The following SLC6A20 variants were observed in gnomAD, a reference collection of about 807,000 sequenced individuals.
The protein encoded by SLC6A20 is solute carrier family 6 member 20, also known as sodium- and chloride-dependent transporter XTRP3.
In SLC6A20, 73 loss-of-function variants were observed where a neutral mutation model predicts 64.3. That is an observed-to-expected ratio of 1.14 (90% confidence interval 0.94 to 1.38). The LOEUF (loss-of-function observed/expected upper bound fraction) is 1.38. Ranked by LOEUF, SLC6A20 falls within the 40% of genes most tolerant of loss-of-function variation. The pLI, the probability that SLC6A20 is intolerant of heterozygous loss-of-function variation, is 0.00. For synonymous variants in SLC6A20, 347 were observed against 329.6 expected (o/e 1.05, Z -0.57); for missense variants, 725 against 772.8 (o/e 0.94, Z 0.73).
chr3:45,770,052 T>C (rs534703363), intron 7 of SLC6A20, among the ~76,000 whole-genome samples, 157 bp downstream of exon 7: 55 of 152,240 alleles, frequency 3.6e-4, no homozygotes, highest in African/African-American at 1.3e-3. Flanking sequence ...AAGAGAGTGG[T>C]GTTAAAGCCT....
At chr3:45,766,351 C>T (rs1370465829) in intron 7 of SLC6A20, among the ~76,000 whole-genome samples, 1 of 152,254 alleles carries the variant, frequency 6.6e-6, no homozygotes, top group African/African-American at 2.4e-5. Flanking sequence ...CAAGCCCTCC[C>T]TGGGTAGAAG....
chr3:45,788,461 C>T (rs1039073434), intron 1 of SLC6A20, among the ~76,000 whole-genome samples: 8 of 152,178 alleles, frequency 5.3e-5, no homozygotes, highest in Non-Finnish European at 1.2e-4. Flanking sequence ...AGTACAATCA[C>T]AAATTCTACA....
At chr3:45,764,712 A>AAAC (rs1553660572) in intron 8 of SLC6A20, among the ~76,000 whole-genome samples, 2 of 146,222 alleles carry the variant, frequency 1.4e-5, no homozygotes, top group Admixed American at 6.8e-5. Flanking sequence ...TAAAAACAAA[A>AAAC]AAAAAAAAAA....
At chr3:45,772,414 C>T (rs1699888302) in intron 5 of SLC6A20, 91 bp downstream of exon 5, 1 of 1,207,046 alleles carries the variant, frequency 8.3e-7, no homozygotes, top group Non-Finnish European at 1.2e-6. Flanking sequence ...CAGCGTTGGC[C>T]CACTCTCCAC....
intron 1 of SLC6A20, among the ~76,000 whole-genome samples, chr3:45,785,613 T>TTCTCTCTCTCTCTCTCTATCTCTC (rs1700157323): frequency 7.1e-6 from 1 of 141,016 alleles, no homozygotes; most frequent in African/African-American, 2.7e-5. Context: ...AAACTCCCCT[T>TTCTCTCTCTCTCTCTCTATCTCTC]TCTCTCTCTC....
chr3:45,759,779 T>C, intron 10 of SLC6A20, 78 bp downstream of exon 10: 1 of 1,505,398 alleles, frequency 6.6e-7, no homozygotes, highest in Non-Finnish European at 8.9e-7. Context: ...AATAGTCCCC[T>C]GGTTTCGGAA....
At chr3:45,783,199 G>C (rs1700124948) in intron 1 of SLC6A20, among the ~76,000 whole-genome samples, 1 of 152,234 alleles carries the variant, frequency 6.6e-6, no homozygotes, top group Admixed American at 6.5e-5. Context: ...TGGGGAGCCA[G>C]GGAGTGTGAA....
intron 4 of SLC6A20, among the ~76,000 whole-genome samples, chr3:45,773,171 C>T (rs1280547642): frequency 6.6e-6 from 1 of 152,158 alleles, no homozygotes; most frequent in Non-Finnish European, 1.5e-5. Flanking sequence ...GGACAGATTT[C>T]CCCAGGACTG....
At position 45,771,263 on chromosome 3, in the gene SLC6A20, T is replaced by C. The variant is rs150466720; in HGVS notation, c.889A>G (p.Ile297Val). The C allele has an allele frequency of 1.2e-6, 2 of 1,613,986 alleles. No individual in the cohort carries two copies. Among genetic ancestry groups the C allele is most frequent in the Admixed American group, 1.7e-5 (1 of 60,024 alleles). ...SIFASIVTFS[I>V]YGFKATFNYE... ...TTGAAGGTGGCCTTGAAGCCATAGA[T>C]GGAGAAGGTGACAATGCTGGCAAAT... Residue 297 changes from isoleucine to valine, a missense_variant, in exon 6 of 11, where the codon ATC (isoleucine) becomes GTC (valine). Ile to Val is a conservative substitution (Grantham distance 29). Transcript: ENST00000358525.
chr3:45,763,109 AC>A, intron 8 of SLC6A20, 37 bp from the exon 9 acceptor site: 4 of 1,608,614 alleles, frequency 2.5e-6, no homozygotes, highest in East Asian at 2.2e-5. Flanking sequence ...CCTGCCCGAG[AC>A]CCCCCCACTA....
intron 1 of SLC6A20, chr3:45,791,878 T>G (rs1700258815): frequency 6.6e-6 from 1 of 152,196 alleles, no homozygotes; most frequent in African/African-American, 2.4e-5. Context: ...CCTCCAACAT[T>G]GGGATTACAA....
Position 45,758,752 on chromosome 3 carries a change from C to A in SLC6A20, c.*226G>T. 1 of 1,318,496 alleles carries A rather than the reference C, an allele frequency of 7.6e-7. No individual in the cohort carries two copies. The highest frequency in any genetic ancestry group is 2.8e-4 in the Middle Eastern group (1 of 3,526). 81.7% of individuals were successfully genotyped at this position (1,318,496 alleles called of 1,614,324 possible). A position where few individuals can be genotyped will look rare whatever the true frequency, so the allele number is the denominator to read the frequency against. ...CTTTGAGACCGGCTTTCATAGCCCACCCCCTTCCATGATGAGGAGGCAGGT... is the reference window on the plus strand; with the variant it reads ...CTTTGAGACCGGCTTTCATAGCCCAACCCCTTCCATGATGAGGAGGCAGGT... On this transcript the variant is annotated 3_prime_UTR_variant, in exon 11 of 11. Transcript: ENST00000358525.
intron 3 of SLC6A20, among the ~76,000 whole-genome samples, chr3:45,779,181 TCCTCCA>T (rs1345310509): frequency 6.6e-6 from 1 of 152,164 alleles, no homozygotes; most frequent in Non-Finnish European, 1.5e-5. Context: ...AGCTCCTGCC[TCCTCCA>T]CTGTTCCCAA....
At chr3:45,772,837 T>C (rs1356196528) in intron 4 of SLC6A20, among the ~76,000 whole-genome samples, 1 of 152,074 alleles carries the variant, frequency 6.6e-6, no homozygotes, top group Non-Finnish European at 1.5e-5. Context: ...CAGCACGACA[T>C]TTCTTATTCA....
At position 45,780,002 on chromosome 3, in the gene SLC6A20, G is replaced by A. The variant is rs561215947; in HGVS notation, c.354+7C>T. The A allele has an allele frequency of 1.8e-5, 29 of 1,595,416 alleles. No individual in the cohort carries two copies. The South Asian group carries it at 2.5e-4, about 14-fold the overall frequency. ...ACTCCTGTTCTGGCACGGGCCCCCC[G>A]GCTCACCTGGAAGGAGTGGAAGAGG... On this transcript the variant is annotated splice_region_variant and intron_variant, in intron 3 of 10. Transcript: ENST00000358525.
intron 1 of SLC6A20, among the ~76,000 whole-genome samples, chr3:45,795,740 A>AAAAAC (rs1213485522): frequency 6.6e-6 from 1 of 152,184 alleles, no homozygotes; most frequent in Non-Finnish European, 1.5e-5. Context: ...TTTATTTAAG[A>AAAAAC]AAAACAAAAC....
At chr3:45,783,668 G>A (rs1700132074) in intron 1 of SLC6A20, among the ~76,000 whole-genome samples, 1 of 152,236 alleles carries the variant, frequency 6.6e-6, no homozygotes, top group African/African-American at 2.4e-5. Context: ...AATGGCTGGG[G>A]CAAAGACCAG....
Position 45,758,840 on chromosome 3 carries a change from C to T in SLC6A20, c.*138G>A. ...CTCCCAAGGGAGTTTTCTTCCTGCA[C>T]ACCTTCCTCATCTTCTTTAGACACT... On this transcript the variant is annotated 3_prime_UTR_variant, in exon 11 of 11. Transcript: ENST00000358525. 7.3e-7 allele frequency: 1 copy of T among 1,372,458 alleles called. No homozygotes were observed. Among genetic ancestry groups the T allele is most frequent in the Non-Finnish European group, 9.4e-7 (1 of 1,059,544 alleles). 85.0% of individuals were successfully genotyped at this position (1,372,458 alleles called of 1,614,324 possible). A position where few individuals can be genotyped will look rare whatever the true frequency, so the allele number is the denominator to read the frequency against.
intron 1 of SLC6A20, among the ~76,000 whole-genome samples, chr3:45,793,981 T>C (rs572254033): frequency 6.6e-6 from 1 of 152,316 alleles, no homozygotes; most frequent in Admixed American, 6.5e-5. Context: ...CAAATATTTA[T>C]TGGATGGCTC....
Sources: gnomAD v4.1 joint callset for allele counts (sites outside exome capture counted in the v4.1 genomes callset) on GRCh38, gnomAD v4.1.1 for gene constraint, MANE v1.5 for transcripts, NCBI Gene and HGNC (gene_info 2026-07-23, HGNC 2026-07-21) for gene names.